The following DNAAF11 variants were observed in gnomAD, a reference collection of about 807,000 sequenced individuals.
The protein encoded by DNAAF11 is leucine rich repeat containing 6.
In DNAAF11, 45 loss-of-function variants were observed where a neutral mutation model predicts 60.8. The ratio of observed to expected loss-of-function variants is 0.74; its 90% CI spans 0.58 to 0.95. The LOEUF (loss-of-function observed/expected upper bound fraction) is 0.95. Ranked by LOEUF, DNAAF11 falls within the 40% of genes least tolerant of loss-of-function variation. The pLI is 0.00. For missense variants in DNAAF11, 546 were observed against 546.2 expected, an observed-to-expected ratio of 1.00 and a Z score of 0.00; for synonymous variants, 191 against 183.5, an observed-to-expected ratio of 1.04 and a Z score of -0.33.
chr8:132,585,860 A>G (rs188011529), intron 10 of DNAAF11, among the ~76,000 whole-genome samples: 26 of 152,292 alleles, frequency 1.7e-4, no homozygotes, highest in African/African-American at 6.0e-4. Context: ...TGTGGATGTT[A>G]CTTTGGCAGG....
chr8:132,610,461 G>C (rs1818553374), intron 9 of DNAAF11, among the ~76,000 whole-genome samples, 200 bp from the exon 10 acceptor site: 1 of 152,088 alleles, frequency 6.6e-6, no homozygotes, highest in African/African-American at 2.4e-5. Context: ...CTAAAGAACA[G>C]TTATCAATCA....
At chr8:132,689,400 C>T in the DNAAF11 span, among the ~76,000 whole-genome samples, 1 of 152,054 alleles carries the variant, frequency 6.6e-6, no homozygotes, top group African/African-American at 2.4e-5. Context: ...TGTTTATTGA[C>T]TTTAACCAAT....
At position 132,615,041 on chromosome 8, in the gene DNAAF11, T is replaced by G. The variant is rs779000571; in HGVS notation, c.971A>C (p.Tyr324Ser). The stretch of plus-strand genomic sequence containing the variant: ...AATACGTAGAAAATGTCTTTACCTA[T>G]AGACAGCAAGGTCCAGGATGATCTG... ...EKQIILDLAV[Y>S]RYMDTSLIDV... is the part of the protein sequence containing the mutation. The change falls in exon 8 of 12, where the codon TAT (tyrosine) becomes TCT (serine). Residue 324 changes from tyrosine (Y) to serine (S), a missense_variant. Transcript: ENST00000620350. 1.3e-6 allele frequency: 2 copies of G among 1,586,762 alleles called. No homozygotes were observed. The highest frequency in any genetic ancestry group is 1.1e-5 in the South Asian group (1 of 89,468).
intron 10 of DNAAF11, among the ~76,000 whole-genome samples, chr8:132,588,930 G>A (rs1816184600): frequency 6.6e-6 from 1 of 152,128 alleles, no homozygotes; most frequent in Admixed American, 6.6e-5. Context: ...CAGATCTCAA[G>A]AGAACTCTAT....
At chr8:132,675,455 T>C (rs1470207827) in intron 1 of DNAAF11, 29 bp downstream of exon 1, 2 of 1,559,964 alleles carry the variant, frequency 1.3e-6, no homozygotes, top group South Asian at 2.3e-5. Flanking sequence ...AGGGGAACGA[T>C]CGAGGACGGA....
At chr8:132,650,517 TA>T (rs1384083472) in intron 3 of DNAAF11, among the ~76,000 whole-genome samples, 3 of 151,982 alleles carry the variant, frequency 2.0e-5, no homozygotes, top group African/African-American at 7.3e-5. Flanking sequence ...TAAAGTACAA[TA>T]AAAAATAAAA....
the DNAAF11 span, chr8:132,684,926 A>G: frequency 6.6e-6 from 1 of 152,350 alleles, no homozygotes; most frequent in South Asian, 2.1e-4. Flanking sequence ...GGAGAGTTCA[A>G]TCCTTTCCCT....
chr8:132,611,322 G>C lies in DNAAF11; in HGVS notation c.1016C>G (p.Thr339Ser). 6.2e-7 allele frequency: 1 copy of C among 1,612,348 alleles called. No individual in the cohort carries two copies. Among genetic ancestry groups the C allele is most frequent in the Non-Finnish European group, 8.5e-7 (1 of 1,178,602 alleles). ...TCCTTTGATCATTACTCGCACGTAA[G>C]TTGGTTGCACATCAACATCGATTAA... The part of the protein sequence containing the change: ...TSLIDVDVQP[T>S]YVRVMIKGKP... The change falls in exon 9 of 12, where the codon ACT becomes AGT. Residue 339 changes from threonine to serine, a missense_variant. Thr to Ser is a moderately conservative substitution (Grantham distance 58). Coordinates refer to ENST00000620350, the MANE Select transcript of DNAAF11 (RefSeq NM_012472.6).
intron 2 of DNAAF11, among the ~76,000 whole-genome samples, chr8:132,658,816 A>AG (rs781532198): frequency 2.0e-5 from 3 of 152,176 alleles, no homozygotes; most frequent in African/African-American, 4.8e-5. Flanking sequence ...GAATTTGCTC[A>AG]GGGACGGTTT....
chr8:132,666,835 T>A (rs1824684188), intron 1 of DNAAF11, among the ~76,000 whole-genome samples: 1 of 152,196 alleles, frequency 6.6e-6, no homozygotes, highest in South Asian at 2.1e-4. Context: ...ACTCGGGTCA[T>A]GTGGGTGGTC....
At chr8:132,660,582 C>A (rs1299787735) in intron 2 of DNAAF11, among the ~76,000 whole-genome samples, 1 of 152,206 alleles carries the variant, frequency 6.6e-6, no homozygotes, top group Non-Finnish European at 1.5e-5. Flanking sequence ...AGTAACTCCA[C>A]AGGCCTCCCT....
At chr8:132,656,017 CTG>C (rs1281985982) in intron 3 of DNAAF11, among the ~76,000 whole-genome samples, 1 of 152,124 alleles carries the variant, frequency 6.6e-6, no homozygotes, top group Non-Finnish European at 1.5e-5. Context: ...CTAGAAAAAA[CTG>C]TGCACATGTA....
intron 7 of DNAAF11, among the ~76,000 whole-genome samples, chr8:132,619,154 C>T (rs1206565814): frequency 1.9e-4 from 29 of 152,062 alleles, no homozygotes; most frequent in African/African-American, 3.1e-4. Context: ...TGTAGGGACA[C>T]GGATGAAACT....
intron 10 of DNAAF11, among the ~76,000 whole-genome samples, chr8:132,609,051 T>C (rs908213137): frequency 6.6e-6 from 1 of 152,214 alleles, no homozygotes; most frequent in Non-Finnish European, 1.5e-5. Context: ...GACTGGTTTA[T>C]CTACTCTTCC....
chr8:132,631,694 T>C (rs1273917465), intron 5 of DNAAF11, among the ~76,000 whole-genome samples: 1 of 152,094 alleles, frequency 6.6e-6, no homozygotes, highest in African/African-American at 2.4e-5. Context: ...TTAAGGAGTG[T>C]CTGCTCTCTT....
chr8:132,633,794 G>C (rs1046119557), intron 4 of DNAAF11, among the ~76,000 whole-genome samples: 16 of 152,118 alleles, frequency 1.1e-4, no homozygotes, highest in Non-Finnish European at 2.2e-4. Context: ...TTGGCACACT[G>C]ATGTCTTTGG....
chr8:132,572,487 C>A lies in DNAAF11; in HGVS notation c.1227-7G>T. ...TTTCTCCATGTGCTTGCTTCTATAA[C>A]AACAAAAAAAGACAAACAGAAACTG... On this transcript the variant is annotated splice_region_variant and splice_polypyrimidine_tract_variant and intron_variant, in intron 11 of 11. Coordinates refer to ENST00000620350, the MANE Select transcript of DNAAF11 (RefSeq NM_012472.6). The A allele has an allele frequency of 3.2e-6, 5 of 1,565,358 alleles. No individual in the cohort carries two copies. The highest frequency in any genetic ancestry group is 1.7e-4 in the Middle Eastern group (1 of 5,818).
intron 3 of DNAAF11, among the ~76,000 whole-genome samples, chr8:132,652,646 A>G (rs1275259760): frequency 6.6e-6 from 1 of 152,204 alleles, no homozygotes; most frequent in Non-Finnish European, 1.5e-5. Context: ...TTGCAGGGAC[A>G]TGGATGACGC....
chr8:132,635,386 A>G (rs16904715), intron 4 of DNAAF11, among the ~76,000 whole-genome samples: 1,735 of 152,312 alleles, frequency 0.011, 31 homozygotes, highest in African/African-American at 0.04. Flanking sequence ...TGAAGTAGGA[A>G]TTATGATCCT....
Sources: allele counts gnomAD v4.1 joint callset (sites outside exome capture counted in the v4.1 genomes callset), GRCh38; gene constraint gnomAD v4.1.1; transcripts MANE v1.5; gene names NCBI Gene and HGNC (gene_info 2026-07-23, HGNC 2026-07-21).